Variants in NTN1 observed in about 807,000 individuals in gnomAD.
NTN1 encodes the protein netrin 1, also known as netrin-1.
A neutral mutation model predicts 54.2 loss-of-function variants in NTN1; 11 were observed. The ratio of observed to expected loss-of-function variants is 0.20; its 90% confidence interval spans 0.13 to 0.34. The LOEUF (loss-of-function observed/expected upper bound fraction) is 0.34. Among genes scored for constraint, NTN1 ranks in the 10% least tolerant of loss-of-function variants. The pLI, the probability that NTN1 is intolerant of heterozygous loss-of-function variation, is 1.00. For missense variants in NTN1, 740 were observed against 893.1 expected (o/e 0.83, Z 2.18); for synonymous variants, 371 against 382.0 (o/e 0.97, Z 0.33).
At chr17:9,127,922 GC>G (rs1419138107) in intron 2 of NTN1, among the ~76,000 whole-genome samples, 3 of 151,736 alleles carry the variant, frequency 2.0e-5, no homozygotes, top group Non-Finnish European at 4.4e-5. Flanking sequence ...TTCGAGACCA[GC>G]CTGGCCAACA....
At chr17:9,144,314 G>C (rs1371611149) in intron 2 of NTN1, among the ~76,000 whole-genome samples, 1 of 151,978 alleles carries the variant, frequency 6.6e-6, no homozygotes, top group African/African-American at 2.4e-5. Flanking sequence ...CTGCTGTCAG[G>C]AGTGATCATC....
intron 2 of NTN1, among the ~76,000 whole-genome samples, chr17:9,060,974 C>CAAAAAAAA (rs10689277): frequency 2.8e-5 from 3 of 108,766 alleles, no homozygotes; most frequent in Admixed American, 2.1e-4. Context: ...GACTCTGTCT[C>CAAAAAAAA]AAAAAAAAAA....
chr17:9,172,374 G>C (rs560446930), intron 3 of NTN1, among the ~76,000 whole-genome samples: 1 of 152,228 alleles, frequency 6.6e-6, no homozygotes, highest in South Asian at 2.1e-4. Context: ...CAGCTACTCG[G>C]GAGGCTGAGG....
rs551860087 is a variant in NTN1 at position 9,233,194 on chromosome 17, C to T, written c.1487-6446C>T. 6.6e-5 allele frequency among the ~76,000 whole-genome samples: 10 copies of T among 152,132 alleles called. No individual in the cohort carries two copies. In the South Asian group the frequency reaches 2.1e-3, roughly 32 times the overall value. On this transcript the variant is annotated intron_variant, in intron 6 of 6. Transcript: ENST00000173229. The stretch of plus-strand genomic sequence containing the variant: ...ACCTCCAGGAGGTAGGAAGCCTCCC[C>T]GCGGAGGTGTCCCACACACTTAGGC...
chr17:9,115,239 G>A (rs1475046372), intron 2 of NTN1, among the ~76,000 whole-genome samples: 2 of 152,206 alleles, frequency 1.3e-5, no homozygotes, highest in Non-Finnish European at 2.9e-5. Context: ...CCTTAATACC[G>A]ATTCAGTAAG....
intron 2 of NTN1, among the ~76,000 whole-genome samples, chr17:9,117,450 A>G (rs963734154): frequency 1.3e-5 from 2 of 152,182 alleles, no homozygotes; most frequent in Non-Finnish European, 2.9e-5. Flanking sequence ...CAAGTAAAGC[A>G]TTACCTCAAG....
the NTN1 span, among the ~76,000 whole-genome samples, chr17:9,012,023 A>G: frequency 6.6e-6 from 1 of 152,142 alleles, no homozygotes; most frequent in Non-Finnish European, 1.5e-5. Flanking sequence ...GGGGATTCTG[A>G]GGGAAAAGAA....
At chr17:9,021,820 C>T (rs1468140853) in intron 1 of NTN1, among the ~76,000 whole-genome samples, 4 of 152,066 alleles carry the variant, frequency 2.6e-5, no homozygotes, top group Non-Finnish European at 4.4e-5. Flanking sequence ...GGCGCGCGGG[C>T]TCCCCGGAGG....
the NTN1 span, among the ~76,000 whole-genome samples, chr17:9,015,997 C>T: frequency 1.3e-5 from 2 of 152,002 alleles, no homozygotes; most frequent in Non-Finnish European, 2.9e-5. Flanking sequence ...TTGCTTGAAC[C>T]CAGGAGGCGG....
At chr17:9,228,820 C>CTGTGTG (rs10641432) in intron 6 of NTN1, among the ~76,000 whole-genome samples, 17,634 of 141,144 alleles carry the variant, frequency 0.12, 1,415 homozygotes, top group East Asian at 0.41. Flanking sequence ...ATCTGTTCAG[C>CTGTGTG]TGTGTGTGTG....
intron 2 of NTN1, among the ~76,000 whole-genome samples, chr17:9,083,079 G>T (rs560455587): frequency 6.6e-5 from 10 of 151,942 alleles, no homozygotes; most frequent in African/African-American, 2.2e-4. Context: ...ATTGGCCTTG[G>T]GGGGATTGTC....
chr17:9,128,976 C>T (rs1208905530), intron 2 of NTN1, among the ~76,000 whole-genome samples: 1 of 152,136 alleles, frequency 6.6e-6, no homozygotes, highest in East Asian at 1.9e-4. Context: ...CCAATGCTGC[C>T]CTGTGTAACC....
intron 2 of NTN1, among the ~76,000 whole-genome samples, chr17:9,128,751 G>A (rs1326474442): frequency 2.0e-5 from 3 of 152,162 alleles, no homozygotes; most frequent in Non-Finnish European, 4.4e-5. Flanking sequence ...GCTCCCTCCT[G>A]GCTCCATTCT....
intron 4 of NTN1, among the ~76,000 whole-genome samples, chr17:9,181,466 G>A (rs3826473): frequency 0.36 from 54,361 of 151,882 alleles, 10,104 homozygotes; most frequent in Middle Eastern, 0.49. Flanking sequence ...TTGCCTCCAG[G>A]ATGTTCCTGC....
chr17:9,218,131 C>G (rs144896252), intron 5 of NTN1, among the ~76,000 whole-genome samples: 1 of 152,162 alleles, frequency 6.6e-6, no homozygotes, highest in Non-Finnish European at 1.5e-5. Context: ...TCAGACACTC[C>G]GGCCATTCCC....
At chr17:9,145,477 C>T (rs1252176893) in intron 2 of NTN1, among the ~76,000 whole-genome samples, 1 of 152,210 alleles carries the variant, frequency 6.6e-6, no homozygotes, top group Non-Finnish European at 1.5e-5. Context: ...ACCCCATTTG[C>T]AGCTGGGGGA....
chr17:9,243,138 A>G lies in NTN1; in HGVS notation c.*3170A>G, dbSNP rs931141335. 2.0e-5 allele frequency: 3 copies of G among 152,056 alleles called. No homozygotes were observed. The highest frequency in any genetic ancestry group is 7.2e-5 in the African/African-American group (3 of 41,400). The allele number at this position is 152,056 out of a possible 1,614,324, so 9.4% of individuals were successfully genotyped here. On this transcript the variant is annotated 3_prime_UTR_variant, in exon 7 of 7. Transcript: ENST00000173229. ...TAATGCCGAAGATTTGCGGGGGAGG[A>G]CATAGGGCTGTCCCCGGGATTCACC...
At chr17:9,171,911 G>T (rs1368957662) in intron 3 of NTN1, 1 of 128,336 alleles carries the variant, frequency 7.8e-6, no homozygotes, top group Non-Finnish European at 1.6e-5. Context: ...TTTTTGAGAC[G>T]GAGTTTCGCT....
chr17:9,045,192 C>T (rs1186027068), intron 2 of NTN1, among the ~76,000 whole-genome samples: 1 of 152,206 alleles, frequency 6.6e-6, no homozygotes, highest in African/African-American at 2.4e-5. Context: ...GAGCCGACAG[C>T]TGGGGCTGAG....
Sources: allele counts gnomAD v4.1 joint callset (sites outside exome capture counted in the v4.1 genomes callset), GRCh38; gene constraint gnomAD v4.1.1; transcripts MANE v1.5; gene names NCBI Gene and HGNC (gene_info 2026-07-23, HGNC 2026-07-21).